The following NCLN variants were observed in gnomAD, a reference collection of about 807,000 sequenced individuals.
The protein encoded by NCLN is BOS complex subunit NCLN.
NCLN carries 34 observed loss-of-function variants against 69.5 expected under a neutral mutation model. That is an observed-to-expected ratio of 0.49 (90% CI 0.37 to 0.65). NCLN has a LOEUF of 0.65. Among genes scored for constraint, NCLN ranks in the 30% least tolerant of loss-of-function variants. The pLI, the probability that NCLN is intolerant of heterozygous loss-of-function variation, is 0.00. For synonymous variants in NCLN, 393 were observed against 358.3 expected, an observed-to-expected ratio of 1.10 and a Z score of -1.09; for missense variants, 710 against 804.8, an observed-to-expected ratio of 0.88 and a Z score of 1.42.
rs796767390 is a variant in NCLN at position 3,207,817 on chromosome 19, T to C, written c.*129T>C. 1.5e-5 allele frequency: 11 copies of C among 723,598 alleles called. No homozygotes were observed. Among genetic ancestry groups the C allele is most frequent in the African/African-American group, 1.1e-4 (6 of 56,604 alleles). 44.8% of individuals were successfully genotyped at this position (723,598 alleles called of 1,614,324 possible). A position where few individuals can be genotyped will look rare whatever the true frequency, so the allele number is the denominator to read the frequency against. On this transcript the variant is annotated 3_prime_UTR_variant, in exon 15 of 15. Transcript: ENST00000246117. ...GGCCCTCTCCCTCCCCGGCGGTGGTTGGAACACTGAATTACAGAGCTTTTT... is the reference window on the plus strand; with the variant it reads ...GGCCCTCTCCCTCCCCGGCGGTGGTCGGAACACTGAATTACAGAGCTTTTT...
intron 4 of NCLN, 83 bp from the exon 5 acceptor site, chr19:3,198,734 C>T (rs1245119984): frequency 8.6e-7 from 1 of 1,167,570 alleles, no homozygotes; most frequent in African/African-American, 1.6e-5. Context: ...CCACGTGGCC[C>T]AGAGGGGAGG....
chr19:3,193,417 C>T lies in NCLN; in HGVS notation c.509C>T (p.Ser170Phe), dbSNP rs1167662927. 2 of 1,605,100 alleles carry T rather than the reference C, an allele frequency of 1.2e-6. No homozygotes were observed. The highest frequency in any genetic ancestry group is 1.7e-6 in the Non-Finnish European group (2 of 1,178,650). Residue 170 changes from serine (S) to phenylalanine (F), a missense_variant, in exon 3 of 15, where the codon TCT becomes TTT. By Grantham distance (155) the Ser-to-Phe change is radical. Coordinates refer to ENST00000246117, the MANE Select transcript of NCLN (RefSeq NM_020170.4). ...QAASASQGSA[S>F]AAEVLLRTAT... is the part of the protein sequence containing the mutation. ...GCCTCCGCCTCCCAGGGCTCCGCCT[C>T]TGCTGCTGAAGGTGTGCTCTGGGCT...
chr19:3,190,732 G>A (rs1051122674), intron 1 of NCLN, among the ~76,000 whole-genome samples: 3 of 152,140 alleles, frequency 2.0e-5, no homozygotes, highest in African/African-American at 4.8e-5. Context: ...TCCGGGGCCC[G>A]CCCCCGGCCC....
rs773870875 is a variant in NCLN, at chr19:3,203,863, GGGTGGGGGTGCCGC to G, written c.889+25_889+38del. The G allele has an allele frequency of 3.1e-6, 5 of 1,608,992 alleles. No homozygotes were observed. The highest frequency in any genetic ancestry group is 1.7e-5 in the Admixed American group (1 of 59,376). On this transcript the variant is annotated intron_variant, in intron 7 of 14. Coordinates refer to ENST00000246117, the MANE Select transcript of NCLN (RefSeq NM_020170.4). ...CACACAGGTGAGCGGCCCCGGGTGG[GGGTGGGGGTGCCGC>G]GGTGGTGGTGCCGTGGGGAGGCACG...
chr19:3,188,486 T>G (rs894816406), intron 1 of NCLN, among the ~76,000 whole-genome samples: 2 of 152,106 alleles, frequency 1.3e-5, no homozygotes, highest in South Asian at 2.1e-4. Context: ...CCTCCTGACG[T>G]TCACCCCGTT....
rs117882039 is a variant in NCLN at position 3,199,337 on chromosome 19, G to C, written c.696+440G>C. Among the ~76,000 whole-genome samples, 367 of 152,392 alleles carry C rather than the reference G, an allele frequency of 2.4e-3. 3 individuals are homozygous for C. Among genetic ancestry groups the C allele is most frequent in the Middle Eastern group, 6.8e-3 (2 of 294 alleles). The stretch of plus-strand genomic sequence containing the variant: ...AGGCCCTCTCCCTGTGTGTCACGTG[G>C]AACACGCCTCATTGTCAGCAGTGAG... On this transcript the variant is annotated intron_variant, in intron 5 of 14. Transcript: ENST00000246117.
chr19:3,205,780 A>T lies in NCLN; in HGVS notation c.1209-159A>T, dbSNP rs899683378. 1.0e-5 allele frequency: 7 copies of T among 694,996 alleles called. No homozygotes were observed. The highest frequency in any genetic ancestry group is 1.7e-5 in the Non-Finnish European group (7 of 414,250). 43.1% of individuals were successfully genotyped at this position (694,996 alleles called of 1,614,324 possible). ...TGGGGCCCCCAGTGAATCTGCATCT[A>T]CATGTTAGCCAAGTAGTTAAAGCTA... On this transcript the variant is annotated intron_variant, in intron 9 of 14. Coordinates refer to ENST00000246117, the MANE Select transcript of NCLN (RefSeq NM_020170.4). The surrounding 1 kb of genome is among the most constrained non-coding windows in gnomAD (Gnocchi z 4.6).
intron 12 of NCLN, 60 bp downstream of exon 12, chr19:3,206,485 A>G (rs1916276204): frequency 6.7e-7 from 1 of 1,489,010 alleles, no homozygotes; most frequent in Non-Finnish European, 9.0e-7. Flanking sequence ...ACCTCCCCCT[A>G]CTGCATCTCC....
chr19:3,207,733 T>C lies in NCLN; in HGVS notation c.*45T>C. 2 of 1,555,072 alleles carry C rather than the reference T, an allele frequency of 1.3e-6. No homozygotes were observed. Among genetic ancestry groups the C allele is most frequent in the Middle Eastern group, 1.7e-4 (1 of 5,908 alleles). On this transcript the variant is annotated 3_prime_UTR_variant, in exon 15 of 15. Transcript: ENST00000246117. ...GGAGCCCCCGCCGCTCCACAGTCCCTGGGGCCGAGCACGAGTGAGTGGACA... is the reference window on the plus strand; with the variant it reads ...GGAGCCCCCGCCGCTCCACAGTCCCCGGGGCCGAGCACGAGTGAGTGGACA...
chr19:3,207,420 T>C lies in NCLN; in HGVS notation c.1583T>C (p.Leu528Pro). ...RVKPAVFDLL[L>P]AVGIAAYLGM... Reference sequence around the variant, plus strand: ...AAGCCGGCCGTCTTTGACCTGCTCCTGGCTGTTGGCATTGCTGCCTACCTC... The same window carrying C: ...AAGCCGGCCGTCTTTGACCTGCTCCCGGCTGTTGGCATTGCTGCCTACCTC... The change falls in exon 14 of 15, where the codon CTG becomes CCG. Residue 528 changes from leucine to proline, a missense_variant. Transcript: ENST00000246117. 2 of 1,613,126 alleles carry C rather than the reference T, an allele frequency of 1.2e-6. No homozygotes were observed. Among genetic ancestry groups the C allele is most frequent in the Non-Finnish European group, 1.7e-6 (2 of 1,180,018 alleles).
chr19:3,194,253 G>C (rs1177717975), intron 3 of NCLN, among the ~76,000 whole-genome samples: 1 of 152,242 alleles, frequency 6.6e-6, no homozygotes, highest in Non-Finnish European at 1.5e-5. Flanking sequence ...CGCGGTGGCA[G>C]GTGCCTGTAA....
At chr19:3,198,757 C>T (rs2304247) in intron 4 of NCLN, 60 bp from the exon 5 acceptor site, 223,565 of 1,433,522 alleles carry the variant, frequency 0.16, 18,401 homozygotes, top group East Asian at 0.2. Context: ...TCTCCAAGCC[C>T]CACACACGGG....
At chr19:3,201,482 G>A (rs1978729) in intron 5 of NCLN, 41 bp from the exon 6 acceptor site, 102,120 of 1,458,708 alleles carry the variant, frequency 0.07, 8,286 homozygotes, top group East Asian at 0.39. Context: ...TGCGGGAGCC[G>A]GGCGGGGGTG....
intron 9 of NCLN, 22 bp downstream of exon 9, chr19:3,204,773 C>G (rs760537885): frequency 3.5e-5 from 50 of 1,444,118 alleles, no homozygotes; most frequent in Non-Finnish European, 4.5e-5. Context: ...AGCACCTGCC[C>G]GGCCCCTCCT....
In NCLN at chr19:3,185,970, A is replaced by C. The variant is rs1345533472; in HGVS notation, c.-61A>C. Reference sequence around the variant, plus strand: ...ACCCATGCCGAGGTGAGTCCGCGGGAGCCGCCGCCGCCGCCGTCCCGTCCC... The same window carrying C: ...ACCCATGCCGAGGTGAGTCCGCGGGCGCCGCCGCCGCCGCCGTCCCGTCCC... On this transcript the variant is annotated 5_prime_UTR_variant, in exon 1 of 15. Coordinates refer to ENST00000246117, the MANE Select transcript of NCLN (RefSeq NM_020170.4). The C allele has an allele frequency of 6.0e-6, 8 of 1,328,594 alleles. No homozygotes were observed. The highest frequency in any genetic ancestry group is 7.8e-6 in the Non-Finnish European group (8 of 1,030,330). 82.3% of individuals were successfully genotyped at this position (1,328,594 alleles called of 1,614,324 possible). A position where few individuals can be genotyped will look rare whatever the true frequency, so the allele number is the denominator to read the frequency against.
In NCLN at chr19:3,196,640, C is replaced by T. The variant is rs1011018679; in HGVS notation, c.615+363C>T. Among the ~76,000 whole-genome samples, 3 of 152,228 alleles carry T rather than the reference C, an allele frequency of 2.0e-5. No individual in the cohort carries two copies. The East Asian group carries it at 5.8e-4, about 29-fold the overall frequency. On this transcript the variant is annotated intron_variant, in intron 4 of 14. Transcript: ENST00000246117. ...CAGTGTCGCCAGCCCCCTCTCATCA[C>T]ATAACCTCACCCGTCAGCCCAGACG...
At chr19:3,192,783 T>G in intron 2 of NCLN, 123 bp downstream of exon 2, 2 of 868,348 alleles carry the variant, frequency 2.3e-6, no homozygotes, top group Non-Finnish European at 3.3e-6. Context: ...GGATGGACTG[T>G]TCCCCTGCTC....
At chr19:3,190,214 G>T (rs1242793906) in intron 1 of NCLN, among the ~76,000 whole-genome samples, 1 of 152,188 alleles carries the variant, frequency 6.6e-6, no homozygotes. Flanking sequence ...GTCCCTGAGG[G>T]GCCTCCCAAG....
At chr19:3,197,686 T>A (rs1362344853) in intron 4 of NCLN, among the ~76,000 whole-genome samples, 3 of 151,054 alleles carry the variant, frequency 2.0e-5, no homozygotes, top group African/African-American at 7.3e-5. Context: ...AATGGTGCGA[T>A]CTCAGCTCAC....
Sources: allele counts gnomAD v4.1 joint callset (sites outside exome capture counted in the v4.1 genomes callset), GRCh38; gene constraint gnomAD v4.1.1; non-coding constraint Gnocchi (gnomAD v3.1); transcripts MANE v1.5; gene names NCBI Gene and HGNC (gene_info 2026-07-23, HGNC 2026-07-21).